IPO4: variants seen among roughly 807,000 people sequenced by gnomAD.
IPO4 encodes importin 4.
A neutral mutation model predicts 133.5 loss-of-function variants in IPO4; 91 were observed. The ratio of observed to expected loss-of-function variants is 0.68; its 90% CI spans 0.58 to 0.81. The LOEUF (loss-of-function observed/expected upper bound fraction) is 0.81. Among genes scored for constraint, IPO4 ranks in the 30% least tolerant of loss-of-function variants. IPO4 has a pLI of 0.00. For synonymous variants in IPO4, 607 were observed against 581.6 expected (o/e 1.04, Z -0.63); for missense variants, 1,279 against 1,386.2 (o/e 0.92, Z 1.23).
At chr14:24,181,078 AC>A (rs2039129602) in intron 28 of IPO4, among the ~76,000 whole-genome samples, 1 of 152,236 alleles carries the variant, frequency 6.6e-6, no homozygotes, top group East Asian at 1.9e-4. Flanking sequence ...AAACACTCTG[AC>A]ATGACTCCAA....
chr14:24,185,592 T>C (rs1566644100), intron 12 of IPO4, 25 bp from the exon 13 acceptor site: 20 of 1,589,750 alleles, frequency 1.3e-5, no homozygotes, highest in East Asian at 2.2e-5. Context: ...CAAGAGGACA[T>C]AGGCTGAGAA....
In IPO4 at chr14:24,187,155, G is replaced by C. The variant is rs755730944; in HGVS notation, c.589-5C>G. 5.6e-6 allele frequency: 9 copies of C among 1,613,408 alleles called. No individual in the cohort carries two copies. The highest frequency in any genetic ancestry group is 4.0e-5 in the African/African-American group (3 of 74,912). On this transcript the variant is annotated splice_polypyrimidine_tract_variant and splice_region_variant and intron_variant, in intron 6 of 29. Transcript: ENST00000354464. ...CACCAACATCCGAGCGAGAGGCTGA[G>C]GGACACATCACAGAGAGCATGATGC...
rs1473095879 is a variant in IPO4 at position 24,182,102 on chromosome 14, T to TG, written c.2659dup (p.Gln887ProfsTer69). 3.1e-6 allele frequency: 5 copies of TG among 1,613,896 alleles called. No individual in the cohort carries two copies. The highest frequency in any genetic ancestry group is 4.2e-6 in the Non-Finnish European group (5 of 1,180,044). Reference sequence around the variant, plus strand: ...CTGGGCTGAGGCAGCACCCAGGCCCTGAATAGTCTCTGCCAAGGTCCCCAC... The same window carrying TG: ...CTGGGCTGAGGCAGCACCCAGGCCCTGGAATAGTCTCTGCCAAGGTCCCCAC... On this transcript the variant is annotated frameshift_variant, in exon 26 of 30. Coordinates refer to ENST00000354464, the MANE Select transcript of IPO4 (RefSeq NM_024658.4). LOFTEE classifies it high-confidence loss of function.
At chr14:24,182,866 C>T (rs1024056256) in intron 23 of IPO4, 24 bp from the exon 24 acceptor site, 14 of 1,612,508 alleles carry the variant, frequency 8.7e-6, no homozygotes, top group Admixed American at 3.3e-5. Context: ...CTCAACTTAG[C>T]GGAGCTTTCA....
In IPO4 at chr14:24,181,962, C is replaced by A. The variant is rs773365675; in HGVS notation, c.2800G>T (p.Ala934Ser). 6.2e-7 allele frequency: 1 copy of A among 1,611,030 alleles called. No individual in the cohort carries two copies. The highest frequency in any genetic ancestry group is 8.5e-7 in the Non-Finnish European group (1 of 1,180,012). ...GVLAEHGGHP[A>S]QEHFPKLLGL... is the part of the protein sequence containing the mutation. ...CCTGCGAGCCAAGGATACTCCTGGG[C>A]AGGGTGGCCCCCATGCTCTGCCAGC... Residue 934 changes from alanine to serine, a missense_variant, in exon 26 of 30, where the codon GCC becomes TCC. Physicochemically the swap from Ala to Ser is moderately conservative, Grantham distance 99. Transcript: ENST00000354464.
Position 24,186,440 on chromosome 14 carries a change from C to CT in IPO4, c.851dup (p.Asn285GlufsTer18). 6.3e-7 allele frequency: 1 copy of CT among 1,589,990 alleles called. No homozygotes were observed. The highest frequency in any genetic ancestry group is 8.6e-7 in the Non-Finnish European group (1 of 1,166,172). ...GCAGCAAGGGTGGCAGGAGACGATT[C>CT]TTCAGTAAGGCCTTGACAGAGAAGG... On this transcript the variant is annotated frameshift_variant, in exon 10 of 30. Coordinates refer to ENST00000354464, the MANE Select transcript of IPO4 (RefSeq NM_024658.4). LOFTEE classifies it high-confidence loss of function.
chr14:24,180,262 G>A lies in IPO4; in HGVS notation c.*180C>T, dbSNP rs547453462. On this transcript the variant is annotated 3_prime_UTR_variant, in exon 30 of 30. Transcript: ENST00000354464. ...CAAGCTGCTTTTATTACAGTATGATGTCATGACTCATTTGTAACAGATCCA... is the reference window on the plus strand; with the variant it reads ...CAAGCTGCTTTTATTACAGTATGATATCATGACTCATTTGTAACAGATCCA... 6 of 1,545,808 alleles carry A rather than the reference G, an allele frequency of 3.9e-6. No individual in the cohort carries two copies. In the African/African-American group the frequency reaches 8.2e-5, roughly 21 times the overall value.
intron 4 of IPO4, 45 bp downstream of exon 4, chr14:24,188,171 T>A: frequency 6.3e-7 from 1 of 1,596,206 alleles, no homozygotes; most frequent in Admixed American, 1.7e-5. Flanking sequence ...GGCAGAAACC[T>A]AGACAAAGTC....
chr14:24,185,671 T>C, intron 12 of IPO4, 104 bp from the exon 13 acceptor site: 1 of 1,143,778 alleles, frequency 8.7e-7, no homozygotes, highest in African/African-American at 1.5e-5. Context: ...GCTTTTCCTG[T>C]CACCAGAGGG....
rs1370437705 is a variant in IPO4 at position 24,180,542 on chromosome 14, G to A, written c.3146C>T (p.Thr1049Met). 1.2e-5 allele frequency: 20 copies of A among 1,614,020 alleles called. No homozygotes were observed. The Admixed American group carries it at 2.3e-4, about 19-fold the overall frequency. ...GTCGGTGTGCTGTTTGGCCAGGAAC[G>A]TCAGGAGCAGCAACAGTGCGGCCTT... ...DTKAALLLLL[T>M]FLAKQHTDSF... The change falls in exon 30 of 30, where the codon ACG becomes ATG. Residue 1049 changes from threonine to methionine, a missense_variant. Coordinates refer to ENST00000354464, the MANE Select transcript of IPO4 (RefSeq NM_024658.4).
Position 24,187,410 on chromosome 14 carries a change from G to A in IPO4, c.578C>T (p.Thr193Ile). ...GGGCCCACATCTCACCACATCTTCA[G>A]TGCTGAGGTAGGGAGCCATGGTGGT... ...TLTTMAPYLS[T>I]EDVPLARMLV... Residue 193 changes from threonine (T) to isoleucine (I), a missense_variant, in exon 6 of 30, where the codon ACT becomes ATT. Thr to Ile is a moderately conservative substitution (Grantham distance 89). Transcript: ENST00000354464. 6.2e-7 allele frequency: 1 copy of A among 1,614,134 alleles called. No individual in the cohort carries two copies. The highest frequency in any genetic ancestry group is 2.2e-5 in the East Asian group (1 of 44,890).
chr14:24,185,756 G>A (rs1594441855), intron 12 of IPO4, 105 bp downstream of exon 12: 1 of 1,006,622 alleles, frequency 9.9e-7, no homozygotes, highest in Non-Finnish European at 1.5e-6. Flanking sequence ...TTTTGATAAT[G>A]GGGGGAAACG....
In IPO4 at chr14:24,184,849, TCCTG is replaced by T; in HGVS notation, c.1522+14_1522+17del. ...TTTGGGTGAACCCCACATCCCTGCC[TCCTG>T]CCTCTCTCCTCACCAATGGCTCCCA... On this transcript the variant is annotated intron_variant, in intron 15 of 29. Coordinates refer to ENST00000354464, the MANE Select transcript of IPO4 (RefSeq NM_024658.4). 1 of 1,610,998 alleles carries T rather than the reference TCCTG, an allele frequency of 6.2e-7. No individual in the cohort carries two copies. Among genetic ancestry groups the T allele is most frequent in the Non-Finnish European group, 8.5e-7 (1 of 1,177,618 alleles).
Position 24,182,022 on chromosome 14 carries a change from CG to C in IPO4, c.2739del (p.Glu914ArgfsTer56). ...CCGAAGATGGCATTGCTTCGCACCT[CG>C]GGGTCTGCCTCTTGGGCGGTGCTCA... ...VLLSTAQEAD[P>X]EVRSNAIFGM... On this transcript the variant is annotated frameshift_variant, in exon 26 of 30. Transcript: ENST00000354464. LOFTEE classifies it high-confidence loss of function. The C allele has an allele frequency of 6.2e-7, 1 of 1,613,400 alleles. No homozygotes were observed.
chr14:24,181,710 C>G lies in IPO4; in HGVS notation c.2940+1G>C, dbSNP rs200789473. The G allele has an allele frequency of 2.6e-5, 42 of 1,604,454 alleles. No homozygotes were observed. Among genetic ancestry groups the G allele is most frequent in the Non-Finnish European group, 3.5e-5 (41 of 1,173,946 alleles). ...CCCTGCCTGATGTCTCCCTCCCTCA[C>G]CTGGGGCTCTGGTTTCCTGGTGGGA... On this transcript the variant is annotated splice_donor_variant, in intron 27 of 29. Coordinates refer to ENST00000354464, the MANE Select transcript of IPO4 (RefSeq NM_024658.4). LOFTEE classifies it high-confidence loss of function.
chr14:24,188,286 C>T (rs765600210), intron 3 of IPO4, 29 bp from the exon 4 acceptor site: 2 of 1,612,864 alleles, frequency 1.2e-6, no homozygotes, highest in Non-Finnish European at 8.5e-7. Context: ...GTGTTTGGTA[C>T]CCAGCCTGCC....
rs747596805 is a variant in IPO4, at chr14:24,188,371, C to T, written c.209G>A (p.Arg70Gln). 2.5e-6 allele frequency: 4 copies of T among 1,613,352 alleles called. No homozygotes were observed. The highest frequency in any genetic ancestry group is 2.2e-5 in the East Asian group (1 of 44,890). Residue 70 changes from arginine (R) to glutamine (Q), a missense_variant, in exon 3 of 30, where the codon CGA becomes CAA. By Grantham distance (43) the Arg-to-Gln change is conservative (BLOSUM62 1). Transcript: ENST00000354464. The stretch of plus-strand genomic sequence containing the variant: ...CTCCCGTTGCTCCGCCGCCAGCCGT[C>T]GCCAGCGGGTGTTCAGTCGTCTGCG... ...LTRRRLNTRW[R>Q]RLAAEQRESL...
chr14:24,183,374 C>A lies in IPO4; in HGVS notation c.2122-19G>T. ...GAGGGCACTGCAGGATGAGGAGGGGCGGGATATGTCTGCTATGTGCACCGT... is the reference window on the plus strand; with the variant it reads ...GAGGGCACTGCAGGATGAGGAGGGGAGGGATATGTCTGCTATGTGCACCGT... On this transcript the variant is annotated intron_variant, in intron 21 of 29. Transcript: ENST00000354464. 1 of 1,598,824 alleles carries A rather than the reference C, an allele frequency of 6.3e-7. No homozygotes were observed. Among genetic ancestry groups the A allele is most frequent in the Non-Finnish European group, 8.5e-7 (1 of 1,171,590 alleles).
chr14:24,188,445 G>A (rs758296459), intron 2 of IPO4, 22 bp from the exon 3 acceptor site: 59 of 1,609,918 alleles, frequency 3.7e-5, no homozygotes, highest in Non-Finnish European at 4.9e-5. Context: ...AAGCAAGCAC[G>A]TGGGGGTCCG....
Sources: gnomAD v4.1 joint callset for allele counts (sites outside exome capture counted in the v4.1 genomes callset) on GRCh38, gnomAD v4.1.1 for gene constraint, MANE v1.5 for transcripts, NCBI Gene and HGNC (gene_info 2026-07-23, HGNC 2026-07-21) for gene names.